Variants in TRPA1 observed in about 807,000 individuals in gnomAD.
The protein encoded by TRPA1 is transient receptor potential cation channel subfamily A member 1.
A neutral mutation model predicts 131.3 loss-of-function variants in TRPA1; 129 were observed. The ratio of observed to expected loss-of-function variants is 0.98; its 90% CI spans 0.85 to 1.14. TRPA1 has a LOEUF of 1.14. TRPA1 is among the 50% of genes most tolerant of loss of function. TRPA1 has a pLI of 0.00. For synonymous variants in TRPA1, 441 were observed against 451.7 expected, an observed-to-expected ratio of 0.98 and a Z score of 0.30; for missense variants, 1,304 against 1,354.2, an observed-to-expected ratio of 0.96 and a Z score of 0.58.
rs199704631 is a variant in TRPA1, at chr8:72,047,158, C to T, written c.1955G>A (p.Arg652Gln). 49 of 1,608,270 alleles carry T rather than the reference C, an allele frequency of 3.0e-5. No individual in the cohort carries two copies. Among genetic ancestry groups the T allele is most frequent in the Middle Eastern group, 3.3e-4 (2 of 6,034 alleles). Residue 652 changes from arginine (R) to glutamine (Q), a missense_variant, in exon 16 of 27, where the codon CGA (arginine) becomes CAA (glutamine). Arg to Gln is a conservative substitution (Grantham distance 43). Coordinates refer to ENST00000262209, the MANE Select transcript of TRPA1 (RefSeq NM_007332.3). ...MLHSTEDKSC[R>Q]DYYIEYNFKY... ...ATAAAATAAACTTACATAATAGTCT[C>T]GGCAGGACTTGTCTTCTGTGGAATG...
intron 12 of TRPA1, 138 bp from the exon 13 acceptor site, chr8:72,054,005 A>T (rs1165255330): frequency 3.0e-6 from 2 of 672,484 alleles, no homozygotes; most frequent in Non-Finnish European, 5.3e-6. Context: ...TATTTATAAA[A>T]CATTTATAAT....
At position 72,075,471 on chromosome 8, in the gene TRPA1, A is replaced by T. The variant is rs1328931514; in HGVS notation, c.-62T>A. Reference sequence around the variant, plus strand: ...ACCACGCGCGCGGGCACCTGGGGCGAGAGAGCGCTGTCAGCCTGCCAGGCG... The same window carrying T: ...ACCACGCGCGCGGGCACCTGGGGCGTGAGAGCGCTGTCAGCCTGCCAGGCG... On this transcript the variant is annotated 5_prime_UTR_variant, in exon 1 of 27. Coordinates refer to ENST00000262209, the MANE Select transcript of TRPA1 (RefSeq NM_007332.3). 7.2e-7 allele frequency: 1 copy of T among 1,380,778 alleles called. No homozygotes were observed. The allele number at this position is 1,380,778 out of a possible 1,614,324, so 85.5% of individuals were successfully genotyped here. A position where few individuals can be genotyped will look rare whatever the true frequency, so the allele number is the denominator to read the frequency against.
intron 25 of TRPA1, among the ~76,000 whole-genome samples, chr8:72,025,039 T>C (rs1456191745): frequency 1.3e-5 from 2 of 152,052 alleles, no homozygotes; most frequent in Non-Finnish European, 2.9e-5. Flanking sequence ...ATAATGCAAT[T>C]GTCTTGCTTA....
chr8:72,055,206 A>G (rs1805631978), intron 12 of TRPA1: 1 of 503,790 alleles, frequency 2.0e-6, no homozygotes, highest in Non-Finnish European at 3.5e-6. Context: ...AATATTCTTG[A>G]ACAAGGTTCT....
At chr8:72,061,895 T>A (rs2129436066) in intron 6 of TRPA1, 134 bp from the exon 7 acceptor site, 1 of 955,382 alleles carries the variant, frequency 1.0e-6, no homozygotes, top group Non-Finnish European at 1.6e-6. Context: ...CCATTAATCA[T>A]CTGAAATGTG....
intron 10 of TRPA1, 71 bp downstream of exon 10, chr8:72,056,846 A>G: frequency 9.4e-7 from 1 of 1,067,068 alleles, no homozygotes; most frequent in Non-Finnish European, 1.4e-6. Context: ...AACAAAAATT[A>G]TAATAAACAA....
chr8:72,066,941 A>T (rs186828683), intron 3 of TRPA1, among the ~76,000 whole-genome samples: 57 of 152,324 alleles, frequency 3.7e-4, no homozygotes, highest in South Asian at 1.5e-3. Flanking sequence ...GGAAAGCCTC[A>T]TGGAAGGGTC....
chr8:72,037,366 C>G (rs11988795), intron 20 of TRPA1, among the ~76,000 whole-genome samples: 1 of 151,690 alleles, frequency 6.6e-6, no homozygotes, highest in East Asian at 1.9e-4. Flanking sequence ...CTTTCAACCT[C>G]CATACTGAGA....
At chr8:72,060,535 A>G (rs1392789508) in intron 7 of TRPA1, 2 of 152,156 alleles carry the variant, frequency 1.3e-5, no homozygotes, top group Non-Finnish European at 2.9e-5. Flanking sequence ...CTGGATTCAT[A>G]TACGACAATC....
At chr8:72,038,742 A>T in intron 19 of TRPA1, 123 bp downstream of exon 19, 1 of 848,116 alleles carries the variant, frequency 1.2e-6, no homozygotes, top group Non-Finnish European at 1.8e-6. Flanking sequence ...TACTGTATAC[A>T]AATTCTTACA....
At chr8:72,081,879 CT>C in the TRPA1 span, among the ~76,000 whole-genome samples, 1 of 151,752 alleles carries the variant, frequency 6.6e-6, no homozygotes, top group African/African-American at 2.4e-5. Context: ...TGTTTTTAAA[CT>C]GTTTCTTATA....
chr8:72,062,687 T>A (rs1267579712), intron 6 of TRPA1, 112 bp downstream of exon 6: 5 of 1,086,072 alleles, frequency 4.6e-6, no homozygotes, highest in Non-Finnish European at 7.0e-6. Flanking sequence ...GAAGGAAATA[T>A]GTATTTCTTG....
chr8:72,055,317 G>T, intron 12 of TRPA1, 119 bp downstream of exon 12: 2 of 814,370 alleles, frequency 2.5e-6, no homozygotes, highest in Non-Finnish European at 4.0e-6. Flanking sequence ...AAAATAAATT[G>T]GATAAAAGTA....
intron 3 of TRPA1, among the ~76,000 whole-genome samples, chr8:72,068,625 T>TA (rs1805984954): frequency 6.6e-6 from 1 of 152,208 alleles, no homozygotes; most frequent in South Asian, 2.1e-4. Context: ...TCTGAAAACA[T>TA]AAAGATGAAA....
At chr8:72,025,671 C>G (rs894641755) in intron 25 of TRPA1, among the ~76,000 whole-genome samples, 1 of 152,090 alleles carries the variant, frequency 6.6e-6, no homozygotes, top group African/African-American at 2.4e-5. Flanking sequence ...AAAAAAGACA[C>G]TAAAAGGGTG....
the TRPA1 span, among the ~76,000 whole-genome samples, chr8:72,088,734 C>T: frequency 6.6e-6 from 1 of 152,138 alleles, no homozygotes; most frequent in Admixed American, 6.5e-5. Flanking sequence ...ACCACTTTGA[C>T]ATCTATGAAA....
At chr8:72,041,173 A>C (rs1812238920) in intron 17 of TRPA1, 1 of 152,112 alleles carries the variant, frequency 6.6e-6, no homozygotes, top group Non-Finnish European at 1.5e-5. Flanking sequence ...TACAACAATC[A>C]TAAATATATA....
At position 72,050,484 on chromosome 8, in the gene TRPA1, G is replaced by A. The variant is rs535959654; in HGVS notation, c.1905+294C>T. 6.6e-5 allele frequency among the ~76,000 whole-genome samples: 10 copies of A among 152,244 alleles called. No individual in the cohort carries two copies. In the South Asian group the frequency reaches 8.3e-4, roughly 13 times the overall value. On this transcript the variant is annotated intron_variant, in intron 15 of 26. Transcript: ENST00000262209. ...AACAACAATAGCATGCATGCCAAGC[G>A]AAACATATACAAAAGCTTTACCAGC...
intron 23 of TRPA1, among the ~76,000 whole-genome samples, chr8:72,032,384 A>G (rs1239425499): frequency 1.3e-5 from 2 of 152,196 alleles, no homozygotes; most frequent in Non-Finnish European, 2.9e-5. Flanking sequence ...AGCCAACCGG[A>G]AGCAGATGTG....
Sources: allele counts gnomAD v4.1 joint callset (sites outside exome capture counted in the v4.1 genomes callset), GRCh38; gene constraint gnomAD v4.1.1; transcripts MANE v1.5; gene names NCBI Gene and HGNC (gene_info 2026-07-23, HGNC 2026-07-21).